SLC39A11: variants seen among roughly 807,000 people sequenced by gnomAD.
SLC39A11 encodes the protein zinc transporter ZIP11.
In SLC39A11, 33 loss-of-function variants were observed where a neutral mutation model predicts 36.1. The observed-to-expected ratio is 0.91, with a 90% CI of 0.69 to 1.22. The LOEUF is 1.22. Among genes scored for constraint, SLC39A11 ranks in the 50% most tolerant of loss-of-function variants. The probability of loss-of-function intolerance (pLI) is 0.00; values close to 1 mark genes in which losing one functional copy is unlikely to be tolerated. For synonymous variants in SLC39A11, 166 were observed against 170.3 expected, an observed-to-expected ratio of 0.97 and a Z score of 0.20; for missense variants, 432 against 430.3, an observed-to-expected ratio of 1.00 and a Z score of -0.03.
At chr17:72,947,326 A>C (rs1172044699) in intron 5 of SLC39A11, among the ~76,000 whole-genome samples, 1 of 152,070 alleles carries the variant, frequency 6.6e-6, no homozygotes, top group Non-Finnish European at 1.5e-5. Flanking sequence ...GGGGAAAAAA[A>C]AAATCCACAG....
At chr17:72,748,087 C>T (rs1313494697) in intron 6 of SLC39A11, among the ~76,000 whole-genome samples, 3 of 152,092 alleles carry the variant, frequency 2.0e-5, no homozygotes, top group Non-Finnish European at 2.9e-5. Context: ...TTTGGGAGGC[C>T]GAGGCGGGTG....
chr17:72,801,010 A>AG (rs1467551114), intron 6 of SLC39A11, among the ~76,000 whole-genome samples: 1 of 152,394 alleles, frequency 6.6e-6, no homozygotes, highest in East Asian at 1.9e-4. Context: ...GCTACAACAC[A>AG]GGTACGTCTT....
chr17:72,880,854 T>C (rs1305339155), intron 5 of SLC39A11, among the ~76,000 whole-genome samples: 3 of 150,374 alleles, frequency 2.0e-5, no homozygotes, highest in Admixed American at 6.6e-5. Flanking sequence ...GCTAATCTTT[T>C]GTATTTTTAG....
intron 5 of SLC39A11, among the ~76,000 whole-genome samples, chr17:72,928,675 C>T (rs1369771754): frequency 1.3e-5 from 2 of 152,140 alleles, no homozygotes; most frequent in Non-Finnish European, 2.9e-5. Flanking sequence ...TTTGAGTCTA[C>T]GTCAATAGAC....
intron 7 of SLC39A11, among the ~76,000 whole-genome samples, chr17:72,656,508 G>A (rs565963564): frequency 1.4e-4 from 21 of 152,190 alleles, no homozygotes; most frequent in African/African-American, 3.9e-4. Context: ...GAGAGGGAGC[G>A]TGGAAAGGGA....
intron 4 of SLC39A11, among the ~76,000 whole-genome samples, chr17:72,951,259 T>C (rs1355824216): frequency 6.9e-4 from 43 of 62,096 alleles, no homozygotes; most frequent in African/African-American, 1.9e-3. Context: ...GTGACCCTGT[T>C]GCAAAAAAAA....
chr17:73,090,247 G>A (rs977980319), intron 1 of SLC39A11, among the ~76,000 whole-genome samples: 8 of 152,204 alleles, frequency 5.3e-5, no homozygotes, highest in African/African-American at 1.9e-4. Context: ...TCAAACCTAG[G>A]AAGGGTATAG....
intron 7 of SLC39A11, among the ~76,000 whole-genome samples, chr17:72,715,003 C>A (rs58775052): frequency 2.6e-5 from 4 of 152,084 alleles, no homozygotes; most frequent in Non-Finnish European, 4.4e-5. Flanking sequence ...AGCCCCTTCA[C>A]GCTCACAATT....
rs553484326 is a variant in SLC39A11 at position 72,683,204 on chromosome 17, C to A, written c.672-33936G>T. Among the ~76,000 whole-genome samples the A allele has an allele frequency of 3.3e-5, 5 of 152,152 alleles. No homozygotes were observed. The East Asian group carries it at 9.6e-4, about 29-fold the overall frequency. The stretch of plus-strand genomic sequence containing the variant: ...CCCATGTAGCTGGTTCTCAATAGAT[C>A]CTCTATGGAAGGAAAGAAGGAAGGA... On this transcript the variant is annotated intron_variant, in intron 7 of 9. Coordinates refer to ENST00000255559, the MANE Select transcript of SLC39A11 (RefSeq NM_139177.4).
chr17:72,682,979 G>C (rs528268795), intron 7 of SLC39A11, among the ~76,000 whole-genome samples: 1 of 152,312 alleles, frequency 6.6e-6, no homozygotes, highest in South Asian at 2.1e-4. Context: ...AAGAAAAATG[G>C]AAACTGTCCA....
intron 6 of SLC39A11, among the ~76,000 whole-genome samples, chr17:72,816,910 C>G (rs1201982510): frequency 1.3e-5 from 2 of 152,066 alleles, no homozygotes; most frequent in African/African-American, 4.8e-5. Context: ...AATATGTATG[C>G]AAATAGTTTC....
chr17:72,726,341 C>T lies in SLC39A11; in HGVS notation c.671+10309G>A, dbSNP rs1184230254. On this transcript the variant is annotated intron_variant, in intron 7 of 9. Coordinates refer to ENST00000255559, the MANE Select transcript of SLC39A11 (RefSeq NM_139177.4). Reference sequence around the variant, plus strand: ...TGAAGTCTCCTTTGTAACTTCTCTACAGGTAACCTGCAAGCATGCTTTCAA... The same window carrying T: ...TGAAGTCTCCTTTGTAACTTCTCTATAGGTAACCTGCAAGCATGCTTTCAA... 2.6e-5 allele frequency among the ~76,000 whole-genome samples: 4 copies of T among 152,202 alleles called. No individual in the cohort carries two copies. In the East Asian group the frequency reaches 7.7e-4, roughly 29 times the overall value.
intron 4 of SLC39A11, among the ~76,000 whole-genome samples, chr17:73,029,120 AC>A (rs781100993): frequency 0.014 from 229 of 16,524 alleles, 15 homozygotes; most frequent in Non-Finnish European, 0.063. Context: ...GCCGTCACAC[AC>A]ACACAAAAAA....
intron 5 of SLC39A11, among the ~76,000 whole-genome samples, chr17:72,947,006 C>T (rs138761860): frequency 6.6e-6 from 1 of 152,298 alleles, no homozygotes; most frequent in Non-Finnish European, 1.5e-5. Flanking sequence ...TTTCTGGCTC[C>T]AAATTGAATC....
Position 72,878,170 on chromosome 17 carries a change from T to A in SLC39A11, c.431-28366A>T, listed in dbSNP as rs367824660. On this transcript the variant is annotated intron_variant, in intron 5 of 9. Coordinates refer to ENST00000255559, the MANE Select transcript of SLC39A11 (RefSeq NM_139177.4). ...GAACTCATCATTTTTTATGGCTGCATAGTATTCCATGGTGTATATGTGCCA... is the reference window on the plus strand; with the variant it reads ...GAACTCATCATTTTTTATGGCTGCAAAGTATTCCATGGTGTATATGTGCCA... Among the ~76,000 whole-genome samples the A allele has an allele frequency of 5.5e-4, 84 of 152,160 alleles. 1 individual carries two copies. The East Asian group carries it at 0.011, about 20-fold the overall frequency.
intron 4 of SLC39A11, among the ~76,000 whole-genome samples, chr17:72,993,531 A>ACCC (rs2089314488): frequency 6.6e-6 from 1 of 152,214 alleles, no homozygotes. Flanking sequence ...CAAAGGGTAT[A>ACCC]TGGTAGATTA....
chr17:72,687,633 C>A (rs1359435405), intron 7 of SLC39A11, among the ~76,000 whole-genome samples: 4 of 152,170 alleles, frequency 2.6e-5, no homozygotes, highest in Non-Finnish European at 4.4e-5. Context: ...TGTTTGAAAA[C>A]CATTGCTGAA....
At chr17:72,873,055 AAAAAAAAAAAAAAAG>A (rs919173489) in intron 5 of SLC39A11, among the ~76,000 whole-genome samples, 1 of 140,524 alleles carries the variant, frequency 7.1e-6, no homozygotes, top group African/African-American at 2.7e-5. Context: ...ACTCCATCTC[AAAAAAAAAAAAAAAG>A]AAAAAAAAAA....
At chr17:72,877,229 G>A (rs1449007114) in intron 5 of SLC39A11, among the ~76,000 whole-genome samples, 1 of 152,138 alleles carries the variant, frequency 6.6e-6, no homozygotes, top group Non-Finnish European at 1.5e-5. Context: ...TGCTTTGGAG[G>A]GAAAATGCCA....
Sources: gnomAD v4.1 joint callset for allele counts (sites outside exome capture counted in the v4.1 genomes callset) on GRCh38, gnomAD v4.1.1 for gene constraint, MANE v1.5 for transcripts, NCBI Gene and HGNC (gene_info 2026-07-23, HGNC 2026-07-21) for gene names.